KIZ: variants seen among roughly 807,000 people sequenced by gnomAD.
KIZ encodes the protein kizuna centrosomal protein, also known as centrosomal protein kizuna.
Under a neutral mutation model 79.6 loss-of-function variants are expected in KIZ, and 68 were observed. The observed-to-expected ratio is 0.85, with a 90% CI of 0.70 to 1.05. The LOEUF (loss-of-function observed/expected upper bound fraction) is 1.05, where lower values mean the gene tolerates loss of function less well. Among genes scored for constraint, KIZ ranks in the 50% least tolerant of loss-of-function variants. The pLI is 0.00. For synonymous variants in KIZ, 280 were observed against 281.8 expected, an observed-to-expected ratio of 0.99 and a Z score of 0.06; for missense variants, 797 against 800.4, an observed-to-expected ratio of 1.00 and a Z score of 0.05.
intron 7 of KIZ, chr20:21,213,979 T>A (rs2036179649): frequency 6.6e-6 from 1 of 152,468 alleles, no homozygotes. Flanking sequence ...GTTATCTTTC[T>A]TCTCAGTGCA....
rs536668851 is a variant in KIZ, at chr20:21,129,214, A to G, written c.90-2883A>G. Among the ~76,000 whole-genome samples, 5 of 152,320 alleles carry G rather than the reference A, an allele frequency of 3.3e-5. No individual in the cohort carries two copies. The East Asian group carries it at 9.7e-4, about 29-fold the overall frequency. On this transcript the variant is annotated intron_variant, in intron 1 of 12. Transcript: ENST00000619189. The stretch of plus-strand genomic sequence containing the variant: ...ATAGGCCTGTGAAGAAGAGTTAACA[A>G]GATTACCACCGTTTTGCCTGGGAGA...
chr20:21,184,211 G>T (rs1345716284), intron 6 of KIZ, among the ~76,000 whole-genome samples: 1 of 150,082 alleles, frequency 6.7e-6, no homozygotes, highest in Non-Finnish European at 1.5e-5. Context: ...GCAATGGTGC[G>T]ATCTCAGATC....
At chr20:21,204,185 G>A (rs894354414) in intron 6 of KIZ, among the ~76,000 whole-genome samples, 2 of 132,944 alleles carry the variant, frequency 1.5e-5, no homozygotes, top group African/African-American at 2.8e-5. Flanking sequence ...GCGGGATCTC[G>A]GCTCACTGCA....
At chr20:21,234,602 A>G (rs2036940637) in intron 11 of KIZ, among the ~76,000 whole-genome samples, 2 of 152,146 alleles carry the variant, frequency 1.3e-5, no homozygotes, top group South Asian at 4.1e-4. Flanking sequence ...CACTTACTGC[A>G]GTCACTCCTT....
At position 21,176,316 on chromosome 20, in the gene KIZ, GTCAA is replaced by G. The variant is rs1190267269; in HGVS notation, c.1352+13176_1352+13179del. On this transcript the variant is annotated intron_variant, in intron 6 of 12. Transcript: ENST00000619189. ...GAGAGTGAGACTCTGTCTCAAATCA[GTCAA>G]TCAATCAATCAATCAATCCGGAAAG... Among the ~76,000 whole-genome samples the G allele has an allele frequency of 6.6e-5, 10 of 152,046 alleles. No individual in the cohort carries two copies. The East Asian group carries it at 9.7e-4, about 15-fold the overall frequency.
chr20:21,189,544 T>C (rs2123012074), intron 6 of KIZ, among the ~76,000 whole-genome samples: 1 of 152,298 alleles, frequency 6.6e-6, no homozygotes, highest in South Asian at 2.1e-4. Flanking sequence ...AGAAACTTTT[T>C]TAAAAAGTCA....
intron 4 of KIZ, among the ~76,000 whole-genome samples, chr20:21,147,325 G>C (rs894971387): frequency 6.6e-6 from 1 of 152,196 alleles, no homozygotes; most frequent in Admixed American, 6.5e-5. Flanking sequence ...ACTATTGGCT[G>C]TATAAGAATC....
intron 4 of KIZ, chr20:21,151,296 A>G (rs2033103656): frequency 6.6e-6 from 1 of 152,168 alleles, no homozygotes; most frequent in Non-Finnish European, 1.5e-5. Context: ...ACTCTCTCAT[A>G]GTCAAGAAGG....
intron 6 of KIZ, among the ~76,000 whole-genome samples, chr20:21,200,978 G>A (rs904829253): frequency 3.3e-5 from 5 of 151,966 alleles, no homozygotes; most frequent in African/African-American, 7.3e-5. Flanking sequence ...TCAGGAGTTC[G>A]AGACCAGCCT....
intron 3 of KIZ, among the ~76,000 whole-genome samples, chr20:21,144,417 C>CT (rs1322026343): frequency 5.9e-5 from 9 of 152,124 alleles, no homozygotes; most frequent in Admixed American, 2.6e-4. Flanking sequence ...GTAAACATCT[C>CT]TAAGTTCAGA....
At chr20:21,189,002 C>G (rs1213035830) in intron 6 of KIZ, among the ~76,000 whole-genome samples, 2 of 151,796 alleles carry the variant, frequency 1.3e-5, no homozygotes, top group Non-Finnish European at 1.5e-5. Context: ...GCCACCCCGC[C>G]CAGCCTGTTT....
intron 7 of KIZ, among the ~76,000 whole-genome samples, chr20:21,207,676 A>G (rs1265602337): frequency 1.3e-5 from 2 of 151,794 alleles, no homozygotes; most frequent in Non-Finnish European, 2.9e-5. Flanking sequence ...ACCTAGATCT[A>G]TTCCTTCTTT....
At chr20:21,208,680 G>C (rs1242426341) in intron 7 of KIZ, among the ~76,000 whole-genome samples, 4 of 151,600 alleles carry the variant, frequency 2.6e-5, no homozygotes, top group Non-Finnish European at 5.9e-5. Context: ...CCAGCCTGGG[G>C]GACAGAGCGA....
At chr20:21,145,513 G>A in intron 3 of KIZ, 52 bp from the exon 4 acceptor site, 1 of 834,996 alleles carries the variant, frequency 1.2e-6, no homozygotes, top group South Asian at 1.7e-5. Flanking sequence ...TATACAGACA[G>A]GTGCTAGTTG....
chr20:21,139,690 A>G lies in KIZ; in HGVS notation c.315+3138A>G, dbSNP rs117380352. Among the ~76,000 whole-genome samples the G allele has an allele frequency of 3.6e-3, 547 of 152,286 alleles. 1 individual carries two copies. Among genetic ancestry groups the G allele is most frequent in the Middle Eastern group, 0.01 (3 of 294 alleles). On this transcript the variant is annotated intron_variant, in intron 3 of 12. Coordinates refer to ENST00000619189, the MANE Select transcript of KIZ (RefSeq NM_018474.6). ...GAAGAATCATCTTTTGTAATTTTTT[A>G]TATTGAGAGCATTCATTATATAAAA...
chr20:21,168,838 T>C (rs1001582256), intron 6 of KIZ, among the ~76,000 whole-genome samples: 3 of 152,136 alleles, frequency 2.0e-5, no homozygotes, highest in African/African-American at 7.2e-5. Flanking sequence ...GGGGAAAGGA[T>C]CCCCTATTTA....
rs200016419 is a variant in KIZ, at chr20:21,229,173, C to T, written c.1783+58C>T. 344 of 960,024 alleles carry T rather than the reference C, an allele frequency of 3.6e-4. 3 individuals carry two copies. In the East Asian group the frequency reaches 7.4e-3, roughly 21 times the overall value. The allele number at this position is 960,024 out of a possible 1,614,324, so 59.5% of individuals were successfully genotyped here. A position where few individuals can be genotyped will look rare whatever the true frequency, so the allele number is the denominator to read the frequency against. On this transcript the variant is annotated intron_variant, in intron 10 of 12. Transcript: ENST00000619189. ...CCAGAGTGGCAGGCAGGGCTGTGTT[C>T]GGGGAAGGGTGGTTATTCTTTATGA... is the stretch of plus-strand genomic sequence containing the variant.
At chr20:21,149,682 A>G (rs1347526259) in intron 4 of KIZ, among the ~76,000 whole-genome samples, 4 of 152,250 alleles carry the variant, frequency 2.6e-5, no homozygotes, top group Non-Finnish European at 5.9e-5. Flanking sequence ...GGGTTCTTCC[A>G]TTCCAGATGT....
intron 11 of KIZ, among the ~76,000 whole-genome samples, chr20:21,237,460 T>G (rs965117378): frequency 6.6e-6 from 1 of 151,978 alleles, no homozygotes; most frequent in Non-Finnish European, 1.5e-5. Flanking sequence ...GCCACACACC[T>G]CTCAGGAGAC....
Sources: allele counts gnomAD v4.1 joint callset (sites outside exome capture counted in the v4.1 genomes callset), GRCh38; gene constraint gnomAD v4.1.1; transcripts MANE v1.5; gene names NCBI Gene and HGNC (gene_info 2026-07-23, HGNC 2026-07-21).